MACO1: variants seen among roughly 807,000 people sequenced by gnomAD.
The protein encoded by MACO1 is macoilin 1.
MACO1 carries 14 observed loss-of-function variants against 78.7 expected under a neutral mutation model. That is an observed-to-expected ratio of 0.18 (90% CI 0.12 to 0.28). The LOEUF is 0.28. Among genes scored for constraint, MACO1 ranks in the 10% least tolerant of loss-of-function variants. The probability of loss-of-function intolerance (pLI) is 1.00; values close to 1 mark genes in which losing one functional copy is unlikely to be tolerated. For missense variants in MACO1, 501 were observed against 799.0 expected (o/e 0.63, Z 4.50); for synonymous variants, 288 against 291.6 (o/e 0.99, Z 0.12).
At chr1:25,431,656 C>G (rs1394069978) in intron 1 of MACO1, among the ~76,000 whole-genome samples, 1 of 152,030 alleles carries the variant, frequency 6.6e-6, no homozygotes, top group East Asian at 1.9e-4. Context: ...AAGTTGAGAG[C>G]CCACTGTGGC....
intron 6 of MACO1, among the ~76,000 whole-genome samples, chr1:25,464,338 CTTTTTTTTTTTTTT>C (rs71014363): frequency 1.2e-5 from 1 of 80,976 alleles, no homozygotes; most frequent in Non-Finnish European, 2.2e-5. Context: ...TTTTTCTTCT[CTTTTTTTTTTTTTT>C]TTTTTTTTTT....
At chr1:25,489,421 CTA>C (rs1401552017) in intron 9 of MACO1, 128 bp downstream of exon 9, 49 of 1,082,784 alleles carry the variant, frequency 4.5e-5, no homozygotes, top group Admixed American at 6.1e-5. Context: ...TGAAAAATCT[CTA>C]TGTGACAAAA....
Position 25,498,337 on chromosome 1 carries a change from C to T in MACO1, c.1866C>T (p.Pro622=), listed in dbSNP as rs1246998857. The T allele has an allele frequency of 6.8e-6, 11 of 1,614,114 alleles. No individual in the cohort carries two copies. The highest frequency in any genetic ancestry group is 1.6e-4 in the Middle Eastern group (1 of 6,062). ...TAGCCGAAGTCATGGCCGTCATGCC[C>T]AGCATAACATACAGTGCCGCCACCA... ...QKIAEVMAVM[P]SITYSAATSP... The change falls in exon 11 of 11, where the codon CCC becomes CCT. Residue 622 remains proline (P), a synonymous_variant. Coordinates refer to ENST00000374343, the MANE Select transcript of MACO1 (RefSeq NM_018202.6).
intron 6 of MACO1, among the ~76,000 whole-genome samples, chr1:25,466,129 G>T (rs1047336489): frequency 6.6e-6 from 1 of 152,172 alleles, no homozygotes; most frequent in Non-Finnish European, 1.5e-5. Flanking sequence ...TAGCTAACCA[G>T]TAGTGGGATT....
intron 9 of MACO1, among the ~76,000 whole-genome samples, chr1:25,490,511 T>G (rs951042196): frequency 6.6e-6 from 1 of 152,218 alleles, no homozygotes; most frequent in Admixed American, 6.5e-5. Context: ...GAAATGTAAC[T>G]TTCTGGAAAA....
At chr1:25,432,678 A>C (rs1456069244) in intron 1 of MACO1, among the ~76,000 whole-genome samples, 1 of 152,254 alleles carries the variant, frequency 6.6e-6, no homozygotes. Flanking sequence ...GCTATTGAAA[A>C]ATATTTGACC....
chr1:25,439,670 GT>G (rs772788430), intron 1 of MACO1, among the ~76,000 whole-genome samples: 176 of 135,816 alleles, frequency 1.3e-3, no homozygotes, highest in South Asian at 2.1e-3. Flanking sequence ...ACAAATTTCT[GT>G]TTTTTTTTTT....
chr1:25,461,118 A>G (rs936722664), intron 6 of MACO1, among the ~76,000 whole-genome samples: 1 of 149,652 alleles, frequency 6.7e-6, no homozygotes, highest in Non-Finnish European at 1.5e-5. Flanking sequence ...AGGACAAAAA[A>G]CCAAACACCA....
intron 8 of MACO1, among the ~76,000 whole-genome samples, chr1:25,488,326 G>C (rs970676876): frequency 6.6e-6 from 1 of 151,868 alleles, no homozygotes; most frequent in South Asian, 2.1e-4. Flanking sequence ...CTGGGATTAC[G>C]GGCATGAGCC....
chr1:25,451,121 TTATGAAA>T (rs1557661745), intron 3 of MACO1, among the ~76,000 whole-genome samples: 1 of 152,188 alleles, frequency 6.6e-6, no homozygotes. Context: ...AATAGCTAAG[TTATGAAA>T]TATGTTTTAA....
intron 4 of MACO1, 73 bp downstream of exon 4, chr1:25,454,455 TG>T: frequency 1.4e-5 from 3 of 211,802 alleles, no homozygotes; most frequent in Non-Finnish European, 2.1e-5. Flanking sequence ...TGTGTGTGTG[TG>T]TGTGTGTGTG....
intron 6 of MACO1, among the ~76,000 whole-genome samples, chr1:25,465,498 A>G (rs1356579665): frequency 1.3e-5 from 2 of 152,230 alleles, no homozygotes; most frequent in Non-Finnish European, 2.9e-5. Flanking sequence ...ATAGGTGGAT[A>G]GTGGTATCTC....
At position 25,430,936 on chromosome 1, in the gene MACO1, C is replaced by G; in HGVS notation, c.-163C>G. 4 of 467,942 alleles carry G rather than the reference C, an allele frequency of 8.5e-6. 1 individual carries two copies. The Middle Eastern group carries it at 2.4e-3, about 276-fold the overall frequency. The allele number at this position is 467,942 out of a possible 1,614,324, so 29.0% of individuals were successfully genotyped here. A position where few individuals can be genotyped will look rare whatever the true frequency, so the allele number is the denominator to read the frequency against. ...TCCGAAGGCGGAGGAGGCTCCGAGCCCCCCCTCCCCGTGCTACCCCCTCCC... is the reference window on the plus strand; with the variant it reads ...TCCGAAGGCGGAGGAGGCTCCGAGCGCCCCCTCCCCGTGCTACCCCCTCCC... On this transcript the variant is annotated 5_prime_UTR_variant, in exon 1 of 11. Transcript: ENST00000374343.
chr1:25,446,998 A>G (rs2043020661), intron 2 of MACO1, 95 bp downstream of exon 2: 9 of 1,422,030 alleles, frequency 6.3e-6, no homozygotes, highest in Non-Finnish European at 8.4e-6. Flanking sequence ...TGTTAGGATT[A>G]GCTAATAGGG....
chr1:25,458,378 T>G lies in MACO1; in HGVS notation c.653-13T>G. On this transcript the variant is annotated splice_polypyrimidine_tract_variant and intron_variant, in intron 5 of 10. Transcript: ENST00000374343. Reference sequence around the variant, plus strand: ...GGGGCTTTTTGTTTGTTGGTTTGTTTTTGGTATTGTAGCAGCCAAAGGATT... The same window carrying G: ...GGGGCTTTTTGTTTGTTGGTTTGTTGTTGGTATTGTAGCAGCCAAAGGATT... 6.4e-7 allele frequency: 1 copy of G among 1,554,642 alleles called. No individual in the cohort carries two copies. Among genetic ancestry groups the G allele is most frequent in the Non-Finnish European group, 8.6e-7 (1 of 1,156,152 alleles).
At chr1:25,469,233 TAAC>T (rs1180707352) in intron 6 of MACO1, among the ~76,000 whole-genome samples, 4 of 152,196 alleles carry the variant, frequency 2.6e-5, no homozygotes, top group Admixed American at 6.5e-5. Flanking sequence ...TATATATTGA[TAAC>T]AACATAATCT....
At chr1:25,478,414 T>C (rs1200821480) in intron 6 of MACO1, among the ~76,000 whole-genome samples, 1 of 152,224 alleles carries the variant, frequency 6.6e-6, no homozygotes, top group Non-Finnish European at 1.5e-5. Flanking sequence ...TCTCTTCCTC[T>C]TAAAATTAAA....
At chr1:25,470,898 T>C (rs2043262399) in intron 6 of MACO1, among the ~76,000 whole-genome samples, 1 of 151,856 alleles carries the variant, frequency 6.6e-6, no homozygotes, top group Non-Finnish European at 1.5e-5. Flanking sequence ...CGTGGTGGCA[T>C]GTGCCTGTAG....
At chr1:25,446,488 A>G (rs979656234) in intron 1 of MACO1, among the ~76,000 whole-genome samples, 1 of 152,190 alleles carries the variant, frequency 6.6e-6, no homozygotes, top group Non-Finnish European at 1.5e-5. Flanking sequence ...CATTTTTAAA[A>G]TAGTGGTGGG....
Sources: gnomAD v4.1 joint callset for allele counts (sites outside exome capture counted in the v4.1 genomes callset) on GRCh38, gnomAD v4.1.1 for gene constraint, MANE v1.5 for transcripts, NCBI Gene and HGNC (gene_info 2026-07-23, HGNC 2026-07-21) for gene names.